Variants in SORCS1 observed in about 807,000 individuals in gnomAD.
The protein encoded by SORCS1 is VPS10 domain-containing receptor SorCS1.
SORCS1 carries 60 observed loss-of-function variants against 146.1 expected under a neutral mutation model. That is an observed-to-expected ratio of 0.41 (90% confidence interval 0.33 to 0.51). The LOEUF (loss-of-function observed/expected upper bound fraction) is 0.51. SORCS1 is among the 20% of genes least tolerant of loss of function. The pLI, the probability that SORCS1 is intolerant of heterozygous loss-of-function variation, is 0.21. For missense variants in SORCS1, 1,352 were observed against 1,487.6 expected (o/e 0.91, Z 1.50); for synonymous variants, 637 against 584.0 (o/e 1.09, Z -1.31).
intron 3 of SORCS1, among the ~76,000 whole-genome samples, chr10:106,813,869 C>T (rs186080203): frequency 2.0e-5 from 3 of 152,240 alleles, no homozygotes; most frequent in Middle Eastern, 3.4e-3. Context: ...GGGAGGATTG[C>T]TCCAGCCCGG....
chr10:107,149,062 A>C (rs886122015), intron 1 of SORCS1, among the ~76,000 whole-genome samples: 5 of 152,228 alleles, frequency 3.3e-5, no homozygotes, highest in Non-Finnish European at 5.9e-5. Flanking sequence ...ACGTGCAAGG[A>C]AAGAAGGGAA....
chr10:106,591,155 G>A (rs1278115343), intron 24 of SORCS1, among the ~76,000 whole-genome samples: 1 of 152,158 alleles, frequency 6.6e-6, no homozygotes, highest in Non-Finnish European at 1.5e-5. Flanking sequence ...ATGTCTTCCA[G>A]TGGCCAGAGC....
intron 22 of SORCS1, 129 bp from the exon 23 acceptor site, chr10:106,607,426 C>A (rs1273150042): frequency 1.6e-6 from 2 of 1,238,334 alleles, no homozygotes; most frequent in Non-Finnish European, 2.2e-6. Context: ...GAGGCCTGGG[C>A]ATATCAGGCA....
Position 107,164,562 on chromosome 10 carries a change from G to C in SORCS1, c.-36C>G. ...AAGAGCAGCGGAGAGAGGGGTCCCA[G>C]AACGAAGGTGGCGGCACGAGCTCTG... On this transcript the variant is annotated 5_prime_UTR_variant, in exon 1 of 26. Coordinates refer to ENST00000263054, the MANE Select transcript of SORCS1 (RefSeq NM_052918.5). This position sits in a 1 kb window ranked among gnomAD's most constrained non-coding sequence, Gnocchi z 6.8. The C allele has an allele frequency of 7.6e-7, 1 of 1,320,486 alleles. No individual in the cohort carries two copies. The highest frequency in any genetic ancestry group is 4.1e-5 in the Admixed American group (1 of 24,556). The allele number at this position is 1,320,486 out of a possible 1,614,324, so 81.8% of individuals were successfully genotyped here.
intron 2 of SORCS1, among the ~76,000 whole-genome samples, chr10:106,946,188 C>T (rs1158516538): frequency 6.9e-6 from 1 of 145,716 alleles, no homozygotes; most frequent in Non-Finnish European, 1.5e-5. Flanking sequence ...TTCAGTGACA[C>T]TAAATCATTT....
intron 1 of SORCS1, among the ~76,000 whole-genome samples, chr10:107,061,783 A>G (rs1284115066): frequency 6.6e-6 from 1 of 152,200 alleles, no homozygotes; most frequent in African/African-American, 2.4e-5. Context: ...TTATTTTGGA[A>G]ATAAGTAGGG....
chr10:106,700,888 T>C (rs1854091936), intron 8 of SORCS1, among the ~76,000 whole-genome samples: 1 of 152,216 alleles, frequency 6.6e-6, no homozygotes, highest in African/African-American at 2.4e-5. Context: ...GGTCAAAAAA[T>C]GAATCCTGCC....
At chr10:107,134,226 TCAA>T (rs1967084119) in intron 1 of SORCS1, among the ~76,000 whole-genome samples, 2 of 152,222 alleles carry the variant, frequency 1.3e-5, no homozygotes, top group Admixed American at 1.3e-4. Context: ...ATTAATTCCA[TCAA>T]GAAGTAACTA....
intron 1 of SORCS1, among the ~76,000 whole-genome samples, chr10:107,144,513 GCA>G (rs1432714694): frequency 6.6e-6 from 1 of 152,176 alleles, no homozygotes; most frequent in African/African-American, 2.4e-5. Context: ...ACAGAGCTAG[GCA>G]CACAACTCTC....
intron 17 of SORCS1, among the ~76,000 whole-genome samples, chr10:106,661,072 A>C (rs1275707879): frequency 1.3e-5 from 2 of 152,224 alleles, no homozygotes; most frequent in African/African-American, 4.8e-5. Flanking sequence ...TAAATTTTGC[A>C]GTATGCTCCC....
At chr10:106,653,195 A>C (rs186095814) in intron 17 of SORCS1, among the ~76,000 whole-genome samples, 2 of 152,322 alleles carry the variant, frequency 1.3e-5, no homozygotes, top group East Asian at 3.9e-4. Flanking sequence ...TTTAACAGGG[A>C]AAATTATTCT....
At chr10:106,655,835 G>C (rs1850241799) in intron 17 of SORCS1, among the ~76,000 whole-genome samples, 1 of 152,092 alleles carries the variant, frequency 6.6e-6, no homozygotes, top group African/African-American at 2.4e-5. Flanking sequence ...TTACAGAATG[G>C]TTCTATTTTC....
intron 1 of SORCS1, among the ~76,000 whole-genome samples, chr10:106,973,165 TCTC>T (rs1313977482): frequency 6.6e-6 from 1 of 152,134 alleles, no homozygotes; most frequent in Non-Finnish European, 1.5e-5. Context: ...CCATCTGTCT[TCTC>T]CTCTGCTCAG....
chr10:106,975,701 C>T (rs896259717), intron 1 of SORCS1, among the ~76,000 whole-genome samples: 1 of 152,220 alleles, frequency 6.6e-6, no homozygotes, highest in Non-Finnish European at 1.5e-5. Flanking sequence ...CATCCAAAGT[C>T]CTTTCTATAT....
intron 3 of SORCS1, among the ~76,000 whole-genome samples, chr10:106,794,226 T>C (rs1422690049): frequency 6.6e-6 from 1 of 152,142 alleles, no homozygotes; most frequent in African/African-American, 2.4e-5. Flanking sequence ...AGAACTGCTA[T>C]CCCCTATAGA....
intron 2 of SORCS1, among the ~76,000 whole-genome samples, chr10:106,949,823 AGAC>A (rs1201913477): frequency 6.6e-6 from 1 of 152,228 alleles, no homozygotes; most frequent in African/African-American, 2.4e-5. Flanking sequence ...CCTCTAAGAT[AGAC>A]AGACACTGCA....
At chr10:106,720,591 T>A (rs967575094) in intron 6 of SORCS1, among the ~76,000 whole-genome samples, 1 of 151,864 alleles carries the variant, frequency 6.6e-6, no homozygotes, top group Non-Finnish European at 1.5e-5. Flanking sequence ...TACTTTTTTT[T>A]TAAGCCGGAG....
chr10:106,801,524 A>ATTTTTTTTT (rs34849434), intron 3 of SORCS1, among the ~76,000 whole-genome samples: 1 of 113,840 alleles, frequency 8.8e-6, no homozygotes, highest in African/African-American at 3.5e-5. Context: ...TAGTATAGCC[A>ATTTTTTTTT]TTTTTTTTTT....
intron 1 of SORCS1, among the ~76,000 whole-genome samples, chr10:107,001,761 G>A (rs1957233879): frequency 6.6e-6 from 1 of 152,178 alleles, no homozygotes; most frequent in South Asian, 2.1e-4. Context: ...ACTGCACCCA[G>A]CTGAAATAAA....
Sources: allele counts gnomAD v4.1 joint callset (sites outside exome capture counted in the v4.1 genomes callset), GRCh38; gene constraint gnomAD v4.1.1; non-coding constraint Gnocchi (gnomAD v3.1); transcripts MANE v1.5; gene names NCBI Gene and HGNC (gene_info 2026-07-23, HGNC 2026-07-21).